Variants in PARD3B observed in about 807,000 individuals in gnomAD.
PARD3B encodes partitioning defective 3 homolog B.
PARD3B carries 103 observed loss-of-function variants against 130.2 expected under a neutral mutation model. The observed-to-expected ratio is 0.79, with a 90% CI of 0.67 to 0.93. The LOEUF (loss-of-function observed/expected upper bound fraction) is 0.93, where lower values mean the gene tolerates loss of function less well. PARD3B is among the 40% of genes least tolerant of loss of function. PARD3B has a pLI of 0.00. For missense variants in PARD3B, 1,609 were observed against 1,499.2 expected (o/e 1.07, Z -1.21); for synonymous variants, 583 against 553.2 (o/e 1.05, Z -0.76).
At chr2:205,406,829 C>A (rs1018842501) in intron 19 of PARD3B, among the ~76,000 whole-genome samples, 2 of 151,906 alleles carry the variant, frequency 1.3e-5, no homozygotes, top group African/African-American at 4.8e-5. Flanking sequence ...CGCCACCATG[C>A]CCAGCTAATT....
At chr2:204,830,199 T>G (rs1420020613) in intron 2 of PARD3B, among the ~76,000 whole-genome samples, 1 of 151,968 alleles carries the variant, frequency 6.6e-6, no homozygotes, top group African/African-American at 2.4e-5. Context: ...AATTACCCAG[T>G]CTCAGTAGTT....
intron 1 of PARD3B, among the ~76,000 whole-genome samples, chr2:204,604,532 G>A (rs920426882): frequency 5.9e-5 from 9 of 152,162 alleles, no homozygotes; most frequent in East Asian, 3.9e-4. Context: ...CCTGAAACAC[G>A]CTGAGATTAA....
intron 4 of PARD3B, chr2:205,103,703 T>C (rs1197914937): frequency 1.0e-6 from 1 of 985,240 alleles, no homozygotes; most frequent in African/African-American, 1.7e-5. Flanking sequence ...AGCCCTAATG[T>C]CTTCTGTAAG....
chr2:205,184,295 G>C (rs945747603), intron 13 of PARD3B, among the ~76,000 whole-genome samples: 6 of 152,122 alleles, frequency 3.9e-5, no homozygotes, highest in Non-Finnish European at 8.8e-5. Context: ...CTCAAGGGTA[G>C]AGATATTTGT....
At chr2:204,793,933 G>A (rs1045894563) in intron 2 of PARD3B, among the ~76,000 whole-genome samples, 20 of 152,178 alleles carry the variant, frequency 1.3e-4, no homozygotes, top group Non-Finnish European at 2.9e-5. Context: ...ATGTTTGCAA[G>A]TAGTATTACA....
rs995185361 is a variant in PARD3B at position 205,309,230 on chromosome 2, T to C, written c.2630+7529T>C. Among the ~76,000 whole-genome samples the C allele has an allele frequency of 2.0e-5, 3 of 152,190 alleles. No homozygotes were observed. The highest frequency in any genetic ancestry group is 1.3e-4 in the Admixed American group (2 of 15,280). On this transcript the variant is annotated intron_variant, in intron 18 of 22. Transcript: ENST00000406610. This position sits in a 1 kb window ranked among gnomAD's most constrained non-coding sequence, Gnocchi z 4.7. ...GACAGGTGGGCATTAATGTAAATGG[T>C]GAACTTGGTTTACAGGTGATTGGAT... is the stretch of plus-strand genomic sequence containing the variant.
Position 204,996,724 on chromosome 2 carries a change from A to G in PARD3B, c.394+31401A>G, listed in dbSNP as rs1014367233. Among the ~76,000 whole-genome samples the G allele has an allele frequency of 4.0e-5, 6 of 148,884 alleles. No homozygotes were observed. In the South Asian group the frequency reaches 6.6e-4, roughly 16 times the overall value. ...TTGATCTCAGACTGCTGTGCTAGCA[A>G]TCAGCGAGATTCCGTGGGCGTAGGA... On this transcript the variant is annotated intron_variant, in intron 3 of 22. Transcript: ENST00000406610.
At chr2:205,284,958 T>A (rs1407976984) in intron 16 of PARD3B, among the ~76,000 whole-genome samples, 2 of 151,220 alleles carry the variant, frequency 1.3e-5, no homozygotes, top group South Asian at 4.2e-4. Context: ...TAAGTCACAT[T>A]GCTCAAAAGT....
intron 2 of PARD3B, among the ~76,000 whole-genome samples, chr2:204,794,443 GGCT>G (rs2042300686): frequency 6.6e-6 from 1 of 152,154 alleles, no homozygotes; most frequent in East Asian, 1.9e-4. Flanking sequence ...TTTATCAAAT[GGCT>G]TTCAGGGCCA....
chr2:204,954,893 G>A (rs1690104405), intron 2 of PARD3B, among the ~76,000 whole-genome samples: 1 of 152,202 alleles, frequency 6.6e-6, no homozygotes, highest in Non-Finnish European at 1.5e-5. Flanking sequence ...GTCTTTAGAA[G>A]GTGGTGGCTT....
intron 4 of PARD3B, among the ~76,000 whole-genome samples, chr2:205,062,253 G>T (rs183341179): frequency 6.6e-6 from 1 of 151,946 alleles, no homozygotes; most frequent in African/African-American, 2.4e-5. Flanking sequence ...TAATACGTTC[G>T]TTGAGGTCGT....
intron 2 of PARD3B, among the ~76,000 whole-genome samples, chr2:204,798,502 T>C (rs2042453928): frequency 6.6e-6 from 1 of 152,116 alleles, no homozygotes; most frequent in Non-Finnish European, 1.5e-5. Context: ...AGTGATGTGC[T>C]GGGTTCAGAG....
At chr2:205,436,201 A>G (rs1156239129) in intron 19 of PARD3B, among the ~76,000 whole-genome samples, 3 of 152,338 alleles carry the variant, frequency 2.0e-5, no homozygotes, top group Non-Finnish European at 2.9e-5. Context: ...AGGCTTAGTC[A>G]CTTCCCAAAA....
intron 1 of PARD3B, among the ~76,000 whole-genome samples, chr2:204,550,412 C>CTGTGTGTGTGTGTGTGTGTG (rs3051346): frequency 4.2e-5 from 6 of 144,390 alleles, no homozygotes; most frequent in East Asian, 2.1e-4. Flanking sequence ...GGAGGGCTGA[C>CTGTGTGTGTGTGTGTGTGTG]TGTGTGTGTG....
chr2:204,873,263 C>A (rs994601533), intron 2 of PARD3B, among the ~76,000 whole-genome samples: 1 of 152,104 alleles, frequency 6.6e-6, no homozygotes, highest in Admixed American at 6.6e-5. Flanking sequence ...CATTCTCAGT[C>A]TTTTACCCTA....
chr2:205,295,765 T>C (rs1334555788), intron 16 of PARD3B, among the ~76,000 whole-genome samples: 2 of 152,200 alleles, frequency 1.3e-5, no homozygotes, highest in African/African-American at 4.8e-5. Context: ...AATCTCAGAC[T>C]AATTAGGTGA....
In PARD3B at chr2:205,020,265, G is replaced by GCAT. The variant is rs1696495921; in HGVS notation, c.395-27315_395-27313dup. Among the ~76,000 whole-genome samples the GCAT allele has an allele frequency of 4.6e-5, 7 of 152,170 alleles. No homozygotes were observed. In the South Asian group the frequency reaches 1.5e-3, roughly 32 times the overall value. On this transcript the variant is annotated intron_variant, in intron 3 of 22. Transcript: ENST00000406610. ...TAACATCCTTTTTATCCCTTGTGTG[G>GCAT]CATTTAAAGAGGTTTGCATCACACA...
rs780050502 is a variant in PARD3B, at chr2:204,965,287, G to A, written c.358G>A (p.Gly120Arg). ...AQLAAFKPIG[G>R]EIEVTPSALK... ...ACTGGCCGCATTTAAGCCAATTGGT[G>A]GGGAGATTGAAGTAACCCCTTCTGC... Residue 120 changes from glycine (G) to arginine (R), a missense_variant, in exon 3 of 23, where the codon GGG becomes AGG. By Grantham distance (125) the Gly-to-Arg change is moderately radical. Coordinates refer to ENST00000406610, the MANE Select transcript of PARD3B (RefSeq NM_001302769.2). The A allele has an allele frequency of 1.2e-6, 2 of 1,613,786 alleles. No homozygotes were observed. Among genetic ancestry groups the A allele is most frequent in the Non-Finnish European group, 1.7e-6 (2 of 1,179,828 alleles).
chr2:204,643,615 T>G (rs1383050360), intron 1 of PARD3B, among the ~76,000 whole-genome samples: 1 of 152,178 alleles, frequency 6.6e-6, no homozygotes, highest in Non-Finnish European at 1.5e-5. Context: ...TTTTGTGATT[T>G]TTTTAAGCTC....
Sources: allele counts gnomAD v4.1 joint callset (sites outside exome capture counted in the v4.1 genomes callset), GRCh38; gene constraint gnomAD v4.1.1; non-coding constraint Gnocchi (gnomAD v3.1); transcripts MANE v1.5; gene names NCBI Gene and HGNC (gene_info 2026-07-23, HGNC 2026-07-21).